The following DDX27 variants were observed in gnomAD, a reference collection of about 807,000 sequenced individuals.
DDX27 encodes DEAD-box helicase 27, also known as probable ATP-dependent RNA helicase DDX27.
A neutral mutation model predicts 99.3 loss-of-function variants in DDX27; 42 were observed. The ratio of observed to expected loss-of-function variants is 0.42; its 90% confidence interval spans 0.33 to 0.55. The LOEUF (loss-of-function observed/expected upper bound fraction) is 0.55, where lower values mean the gene tolerates loss of function less well. DDX27 is among the 20% of genes least tolerant of loss of function. The probability of loss-of-function intolerance (pLI) is 0.07; values close to 1 mark genes in which losing one functional copy is unlikely to be tolerated. For missense variants in DDX27, 798 were observed against 976.8 expected (o/e 0.82, Z 2.44); for synonymous variants, 329 against 353.8 (o/e 0.93, Z 0.79).
intron 16 of DDX27, among the ~76,000 whole-genome samples, chr20:49,241,007 C>A (rs771579250): frequency 3.3e-5 from 5 of 151,912 alleles, no homozygotes; most frequent in Non-Finnish European, 7.4e-5. Context: ...AGAATGAGAC[C>A]CCGACTCAAA....
Position 49,241,973 on chromosome 20 carries a change from A to C in DDX27, c.1978A>C (p.Lys660Gln). 1 of 1,613,468 alleles carries C rather than the reference A, an allele frequency of 6.2e-7. No individual in the cohort carries two copies. The highest frequency in any genetic ancestry group is 8.5e-7 in the Non-Finnish European group (1 of 1,179,880). The stretch of plus-strand genomic sequence containing the variant: ...GAAGTTTATGAAGGATGCCAAAAAA[A>C]AGGGGGAGATGACAGTGAGTGGCCT... ...RKKFMKDAKK[K>Q]GEMTAEERSQ... The change falls in exon 17 of 21, where the codon AAG becomes CAG. Residue 660 changes from lysine (K) to glutamine (Q), a missense_variant. Coordinates refer to ENST00000618172, the MANE Select transcript of DDX27 (RefSeq NM_017895.8).
rs374972151 is a variant in DDX27 at position 49,242,182 on chromosome 20, G to A, written c.2092G>A (p.Glu698Lys). The change falls in exon 18 of 21, where the codon GAG (glutamate) becomes AAG (lysine). Residue 698 changes from glutamate to lysine, a missense_variant. Physicochemically the swap from Glu to Lys is moderately conservative, Grantham distance 56 (BLOSUM62 1). This residue lies in a region of DDX27 where 553 missense variants were observed against 727.9 expected (regional missense o/e 0.76). Transcript: ENST00000618172. ...AGCCAAGCGGGCCCGAGCAATGCCCGAGGAGGAGCCAGTGAGAGGTCCTGG... is the reference window on the plus strand; with the variant it reads ...AGCCAAGCGGGCCCGAGCAATGCCCAAGGAGGAGCCAGTGAGAGGTCCTGG... ...RRAKRARAMPEEEPVRGPAKK... is the reference protein window; with the variant it reads ...RRAKRARAMPKEEPVRGPAKK... The A allele has an allele frequency of 2.1e-5, 34 of 1,614,046 alleles. No homozygotes were observed. The highest frequency in any genetic ancestry group is 6.7e-5 in the African/African-American group (5 of 74,956).
chr20:49,228,972 G>C (rs1980000985), intron 8 of DDX27, 84 bp downstream of exon 8: 2 of 1,315,112 alleles, frequency 1.5e-6, no homozygotes, highest in Admixed American at 5.8e-5. Flanking sequence ...TGTTGGTGTT[G>C]GTGACAGGTG....
chr20:49,220,104 C>T (rs1022268113), intron 1 of DDX27, among the ~76,000 whole-genome samples: 8 of 152,092 alleles, frequency 5.3e-5, no homozygotes, highest in African/African-American at 1.9e-4. Flanking sequence ...AGATGTTGTC[C>T]CCTCTGCACT....
chr20:49,229,944 C>A (rs1004491513), intron 8 of DDX27, among the ~76,000 whole-genome samples: 4 of 152,174 alleles, frequency 2.6e-5, no homozygotes, highest in African/African-American at 9.7e-5. Flanking sequence ...GCCACCTCGC[C>A]CAGCCCATGC....
chr20:49,235,559 C>T (rs1980271815), intron 12 of DDX27: 1 of 159,392 alleles, frequency 6.3e-6, no homozygotes, highest in African/African-American at 2.4e-5. Context: ...AGGAGGAACC[C>T]TTTAGAACTC....
In DDX27 at chr20:49,238,765, C is replaced by CTTT. The variant is rs71186443; in HGVS notation, c.1688-161_1688-159dup. Reference sequence around the variant, plus strand: ...TACAGGCATGAGCCACTGTGCCTGGCTTTTTTTTTTTTTTTTTTTTTTTTT... The same window carrying CTTT: ...TACAGGCATGAGCCACTGTGCCTGGCTTTTTTTTTTTTTTTTTTTTTTTTTTTT... On this transcript the variant is annotated intron_variant, in intron 14 of 20. Coordinates refer to ENST00000618172, the MANE Select transcript of DDX27 (RefSeq NM_017895.8). 1,917 of 239,754 alleles carry CTTT rather than the reference C, an allele frequency of 8.0e-3. 269 individuals are homozygous for CTTT. The highest frequency in any genetic ancestry group is 0.014 in the East Asian group (135 of 9,334). 14.9% of individuals were successfully genotyped at this position (239,754 alleles called of 1,614,324 possible).
Position 49,228,907 on chromosome 20 carries a change from GCTGCCAGCCC to G in DDX27, c.880+23_880+32del. 1 of 1,569,048 alleles carries G rather than the reference GCTGCCAGCCC, an allele frequency of 6.4e-7. No homozygotes were observed. Among genetic ancestry groups the G allele is most frequent in the Non-Finnish European group, 8.7e-7 (1 of 1,152,084 alleles). On this transcript the variant is annotated intron_variant, in intron 8 of 20. Coordinates refer to ENST00000618172, the MANE Select transcript of DDX27 (RefSeq NM_017895.8). ...GCTGTGGGTGAGTTTCTGGCCAAGG[GCTGCCAGCCC>G]CTGAGAGACTGTGGTGGGGTGGAGG...
chr20:49,228,993 C>T (rs1980001524), intron 8 of DDX27, 105 bp downstream of exon 8: 3 of 1,012,062 alleles, frequency 3.0e-6, no homozygotes, highest in South Asian at 4.3e-5. Flanking sequence ...CCAGGAGAGG[C>T]CTTTGTGTTG....
chr20:49,226,857 CTTTTT>C (rs36048579), intron 7 of DDX27, among the ~76,000 whole-genome samples: 1 of 63,460 alleles, frequency 1.6e-5, no homozygotes, highest in Non-Finnish European at 2.8e-5. Context: ...GAGTAAAGGA[CTTTTT>C]TTTTTTTTTT....
rs1410293556 is a variant in DDX27 at position 49,241,944 on chromosome 20, G to C, written c.1949G>C (p.Arg650Thr). Reference protein sequence around the residue: ...FDLALRGKKKRKKFMKDAKKK... With the variant: ...FDLALRGKKKTKKFMKDAKKK... Reference sequence around the variant, plus strand: ...TTGGCCTTAAGAGGAAAGAAGAAAAGGAAGAAGTTTATGAAGGATGCCAAA... The same window carrying C: ...TTGGCCTTAAGAGGAAAGAAGAAAACGAAGAAGTTTATGAAGGATGCCAAA... Residue 650 changes from arginine (R) to threonine (T), a missense_variant, in exon 17 of 21, where the codon AGG (arginine) becomes ACG (threonine). Physicochemically the swap from Arg to Thr is moderately conservative, Grantham distance 71. Coordinates refer to ENST00000618172, the MANE Select transcript of DDX27 (RefSeq NM_017895.8). The C allele has an allele frequency of 6.2e-7, 1 of 1,614,118 alleles. No homozygotes were observed. Among genetic ancestry groups the C allele is most frequent in the Non-Finnish European group, 8.5e-7 (1 of 1,180,036 alleles).
chr20:49,243,770 A>C (rs780214382), intron 20 of DDX27, 46 bp from the exon 21 acceptor site: 5 of 1,613,868 alleles, frequency 3.1e-6, no homozygotes, highest in Non-Finnish European at 4.2e-6. Context: ...CATGGAAAAG[A>C]AGCTTCTCCA....
At chr20:49,220,515 C>G (rs1698490952) in intron 1 of DDX27, among the ~76,000 whole-genome samples, 1 of 152,236 alleles carries the variant, frequency 6.6e-6, no homozygotes, top group African/African-American at 2.4e-5. Context: ...ACTCTCCAGC[C>G]TGCTGGTAGA....
chr20:49,243,198 A>G (rs1980538265), intron 19 of DDX27, among the ~76,000 whole-genome samples: 1 of 152,098 alleles, frequency 6.6e-6, no homozygotes, highest in Non-Finnish European at 1.5e-5. Flanking sequence ...GTGTTCAGTT[A>G]GCACTGTTCC....
chr20:49,229,645 A>G (rs1017469406), intron 8 of DDX27, among the ~76,000 whole-genome samples: 1 of 110,016 alleles, frequency 9.1e-6, no homozygotes, highest in Non-Finnish European at 2.0e-5. Context: ...TGTTTCAGGC[A>G]TTCTCTTTTT....
At position 49,236,077 on chromosome 20, in the gene DDX27, G is replaced by T. The variant is rs149510089; in HGVS notation, c.1428-73G>T. On this transcript the variant is annotated intron_variant, in intron 12 of 20. Transcript: ENST00000618172. The surrounding 1 kb of genome is among the most constrained non-coding windows in gnomAD (Gnocchi z 4.1). ...ATTTTAATGCCCTGTTCTGTCCTCT[G>T]CTGGCTCAGGCTCTTGTGGAGCATT... The T allele has an allele frequency of 2.5e-4, 357 of 1,438,762 alleles. No homozygotes were observed. The highest frequency in any genetic ancestry group is 3.7e-4 in the Admixed American group (19 of 51,258). 89.1% of individuals were successfully genotyped at this position (1,438,762 alleles called of 1,614,324 possible).
chr20:49,243,584 T>G (rs1408817578), intron 19 of DDX27, 45 bp from the exon 20 acceptor site: 2 of 1,582,440 alleles, frequency 1.3e-6, no homozygotes, highest in Non-Finnish European at 1.7e-6. Context: ...CAACACCCAT[T>G]TGTTCAACAG....
intron 8 of DDX27, 125 bp from the exon 9 acceptor site, chr20:49,230,074 T>TGTCA: frequency 9.2e-7 from 1 of 1,090,554 alleles, no homozygotes; most frequent in Non-Finnish European, 1.3e-6. Flanking sequence ...CTTGGGCCTT[T>TGTCA]GTCAGTCTTA....
chr20:49,225,946 G>T (rs1364575761), intron 6 of DDX27, among the ~76,000 whole-genome samples: 3 of 152,094 alleles, frequency 2.0e-5, no homozygotes, highest in Non-Finnish European at 2.9e-5. Flanking sequence ...CTCCTTGCTG[G>T]CCCTCAAATA....
Sources: allele counts gnomAD v4.1 joint callset (sites outside exome capture counted in the v4.1 genomes callset), GRCh38; gene constraint gnomAD v4.1.1; regional missense constraint gnomAD v4.1.1; non-coding constraint Gnocchi (gnomAD v3.1); transcripts MANE v1.5; gene names NCBI Gene and HGNC (gene_info 2026-07-23, HGNC 2026-07-21).